RMP24: variants seen among roughly 807,000 people sequenced by gnomAD.
The protein encoded by RMP24 is ribonuclease MRP subunit p24.
the RMP24 span, chr18:35,972,760 C>G: frequency 4.3e-6 from 7 of 1,613,454 alleles, no homozygotes; most frequent in Non-Finnish European, 5.9e-6. Flanking sequence ...GAGGCTGCAG[C>G]GCGGGGACTG....
the RMP24 span, among the ~76,000 whole-genome samples, chr18:35,978,483 C>T: frequency 2.0e-5 from 3 of 152,196 alleles, no homozygotes; most frequent in Non-Finnish European, 4.4e-5. Flanking sequence ...TAGCGGCGTG[C>T]GCCTGTAGTC....
At chr18:35,974,475 C>G in the RMP24 span, among the ~76,000 whole-genome samples, 1 of 152,194 alleles carries the variant, frequency 6.6e-6, no homozygotes. Flanking sequence ...TAGCACAGTG[C>G]TCAACAGTAG....
chr18:35,978,907 T>G, the RMP24 span: 1 of 1,613,282 alleles, frequency 6.2e-7, no homozygotes, highest in Non-Finnish European at 8.5e-7. Context: ...AACACTTCTC[T>G]CAACTAAAAA....
chr18:35,975,041 C>T, the RMP24 span: 1 of 1,614,038 alleles, frequency 6.2e-7, no homozygotes, highest in African/African-American at 1.3e-5. Context: ...ACTATACACT[C>T]AGTTTTAAAG....
At chr18:35,978,470 G>A in the RMP24 span, among the ~76,000 whole-genome samples, 1 of 152,200 alleles carries the variant, frequency 6.6e-6, no homozygotes, top group African/African-American at 2.4e-5. Flanking sequence ...GATTAGCCAG[G>A]CGTAGCGGCG....
the RMP24 span, among the ~76,000 whole-genome samples, chr18:35,976,138 A>ATTTT: frequency 1.4e-3 from 102 of 72,760 alleles, 5 homozygotes; most frequent in African/African-American, 2.2e-3. Context: ...TGTTTTTCTG[A>ATTTT]TTTTTTTTTT....
chr18:35,979,211 A>G, the RMP24 span: 1 of 433,032 alleles, frequency 2.3e-6, no homozygotes, highest in South Asian at 3.8e-5. Flanking sequence ...AAATATATGA[A>G]AGTTCCTTGT....
chr18:35,974,986 G>A, the RMP24 span: 2 of 1,614,150 alleles, frequency 1.2e-6, no homozygotes, highest in East Asian at 4.5e-5. Flanking sequence ...CCCAAAGCCA[G>A]GTTGACACCC....
chr18:35,976,138 ATTTTTTTTTTT>A, the RMP24 span, among the ~76,000 whole-genome samples: 4 of 72,764 alleles, frequency 5.5e-5, no homozygotes, highest in Non-Finnish European at 7.8e-5. Flanking sequence ...TGTTTTTCTG[ATTTTTTTTTTT>A]TTTTTTTTTT....
the RMP24 span, among the ~76,000 whole-genome samples, chr18:35,978,534 C>T: frequency 6.6e-6 from 1 of 152,190 alleles, no homozygotes; most frequent in Non-Finnish European, 1.5e-5. Flanking sequence ...CTGCTTGAAC[C>T]TGGGAGGCAG....
the RMP24 span, chr18:35,972,726 G>T: frequency 6.2e-7 from 1 of 1,607,286 alleles, no homozygotes; most frequent in Non-Finnish European, 8.5e-7. Flanking sequence ...AGCGGCGGCG[G>T]CGATGAGACA....
At chr18:35,972,679 C>T in the RMP24 span, 3 of 1,558,924 alleles carry the variant, frequency 1.9e-6, no homozygotes, top group Admixed American at 1.9e-5. Context: ...TTCCGGCGCC[C>T]TATTTTCTCA....
the RMP24 span, chr18:35,977,585 C>T: frequency 6.2e-7 from 1 of 1,611,542 alleles, no homozygotes. Flanking sequence ...GGCAAGAGCC[C>T]AGCATCGGTT....
the RMP24 span, among the ~76,000 whole-genome samples, chr18:35,976,548 A>G: frequency 1.3e-5 from 2 of 152,224 alleles, no homozygotes; most frequent in Non-Finnish European, 2.9e-5. Flanking sequence ...TGAGAAATGA[A>G]TCTTGAAAAG....
the RMP24 span, among the ~76,000 whole-genome samples, chr18:35,975,999 A>G: frequency 6.6e-6 from 1 of 152,174 alleles, no homozygotes; most frequent in Non-Finnish European, 1.5e-5. Context: ...ACTGCCACAT[A>G]TTTGGAAAAT....
At chr18:35,974,528 C>T in the RMP24 span, among the ~76,000 whole-genome samples, 2 of 152,180 alleles carry the variant, frequency 1.3e-5, no homozygotes, top group Admixed American at 6.5e-5. Context: ...GAAACAAAAT[C>T]GCAGTGCAAT....
the RMP24 span, chr18:35,972,865 A>G: frequency 2.3e-5 from 37 of 1,614,108 alleles, no homozygotes; most frequent in Non-Finnish European, 3.1e-5. Flanking sequence ...GCTCCTCACA[A>G]GTCTCTTTCT....
chr18:35,979,003 A>G, the RMP24 span: 8 of 1,576,880 alleles, frequency 5.1e-6, no homozygotes, highest in Middle Eastern at 1.9e-4. Flanking sequence ...GACTTTTAAA[A>G]TAAGAAATGC....
At chr18:35,976,053 A>T in the RMP24 span, among the ~76,000 whole-genome samples, 1 of 151,808 alleles carries the variant, frequency 6.6e-6, no homozygotes, top group Non-Finnish European at 1.5e-5. Context: ...ACTATCTTGC[A>T]GTGTTTTGCC....
Sources: allele counts gnomAD v4.1 joint callset (sites outside exome capture counted in the v4.1 genomes callset), GRCh38; gene constraint gnomAD v4.1.1; transcripts MANE v1.5; gene names NCBI Gene and HGNC (gene_info 2026-07-23, HGNC 2026-07-21).